DENND2C: variants seen among roughly 807,000 people sequenced by gnomAD.
DENND2C encodes the protein DENN domain-containing protein 2C.
In DENND2C, 72 loss-of-function variants were observed where a neutral mutation model predicts 112.4. The ratio of observed to expected loss-of-function variants is 0.64; its 90% CI spans 0.53 to 0.78. The LOEUF is 0.78. Among genes scored for constraint, DENND2C ranks in the 30% least tolerant of loss-of-function variants. DENND2C has a pLI of 0.00. For missense variants in DENND2C, 992 were observed against 1,113.8 expected (o/e 0.89, Z 1.56); for synonymous variants, 329 against 381.6 (o/e 0.86, Z 1.61).
chr1:114,594,593 A>T lies in DENND2C; in HGVS notation c.2326-15T>A. The T allele has an allele frequency of 6.3e-7, 1 of 1,599,746 alleles. No homozygotes were observed. Among genetic ancestry groups the T allele is most frequent in the Non-Finnish European group, 8.5e-7 (1 of 1,170,478 alleles). ...TCATCAGATACCTTAAGAAGAAAAAAAAATGGAGATTTTTCTTTGTTTGAG... is the reference window on the plus strand; with the variant it reads ...TCATCAGATACCTTAAGAAGAAAAATAAATGGAGATTTTTCTTTGTTTGAG... On this transcript the variant is annotated splice_polypyrimidine_tract_variant and intron_variant, in intron 17 of 20. Coordinates refer to ENST00000393274, the MANE Select transcript of DENND2C (RefSeq NM_001256404.2).
At chr1:114,613,488 CAT>C (rs1471269929) in intron 8 of DENND2C, among the ~76,000 whole-genome samples, 2 of 152,142 alleles carry the variant, frequency 1.3e-5, no homozygotes, top group Non-Finnish European at 2.9e-5. Context: ...TTGCATATTA[CAT>C]ATGTTTTATA....
At chr1:114,641,700 C>T (rs1047388364) in intron 3 of DENND2C, among the ~76,000 whole-genome samples, 6 of 152,080 alleles carry the variant, frequency 3.9e-5, no homozygotes, top group African/African-American at 1.2e-4. Context: ...GAACCATAAG[C>T]CAAATAAACC....
At chr1:114,642,172 A>C (rs532595928) in intron 3 of DENND2C, among the ~76,000 whole-genome samples, 15 of 152,158 alleles carry the variant, frequency 9.9e-5, no homozygotes, top group African/African-American at 3.6e-4. Flanking sequence ...GCTGGTCTCA[A>C]ACTCCTGGTC....
At chr1:114,604,457 A>T (rs979253962) in intron 11 of DENND2C, among the ~76,000 whole-genome samples, 2 of 152,144 alleles carry the variant, frequency 1.3e-5, no homozygotes, top group Non-Finnish European at 2.9e-5. Flanking sequence ...ACACTTCCCA[A>T]ACTGGAGCCT....
chr1:114,618,267 T>C (rs1570777218), intron 8 of DENND2C, 119 bp downstream of exon 8: 4 of 513,612 alleles, frequency 7.8e-6, no homozygotes, highest in Non-Finnish European at 1.3e-5. Flanking sequence ...GGATTACAGG[T>C]GTGAGCCACC....
At chr1:114,623,877 G>C (rs1004426944) in intron 4 of DENND2C, among the ~76,000 whole-genome samples, 3 of 152,094 alleles carry the variant, frequency 2.0e-5, no homozygotes, top group African/African-American at 7.2e-5. Context: ...CCTGGGATTA[G>C]AGGCGCGTGC....
chr1:114,636,805 T>C (rs1656670033), intron 3 of DENND2C, among the ~76,000 whole-genome samples: 1 of 152,064 alleles, frequency 6.6e-6, no homozygotes, highest in Non-Finnish European at 1.5e-5. Flanking sequence ...CTAAGAAATC[T>C]ATGTTACAAG....
At chr1:114,618,605 AC>A in intron 7 of DENND2C, 123 bp from the exon 8 acceptor site, 1 of 503,632 alleles carries the variant, frequency 2.0e-6, no homozygotes, top group Admixed American at 4.1e-5. Context: ...AGAAACCTTT[AC>A]CTTTTTGAAT....
intron 3 of DENND2C, among the ~76,000 whole-genome samples, chr1:114,626,616 A>G (rs1656349642): frequency 6.9e-6 from 1 of 145,646 alleles, no homozygotes; most frequent in South Asian, 2.1e-4. Context: ...GGTTCAAGTG[A>G]TCTTCCCCCT....
chr1:114,611,471 T>A (rs1442837904), intron 8 of DENND2C, among the ~76,000 whole-genome samples: 2 of 151,898 alleles, frequency 1.3e-5, no homozygotes, highest in Admixed American at 6.6e-5. Context: ...CCAAATAGAG[T>A]ATCAAAGGCA....
At chr1:114,619,531 C>T (rs1656104153) in intron 7 of DENND2C, among the ~76,000 whole-genome samples, 1 of 152,106 alleles carries the variant, frequency 6.6e-6, no homozygotes, top group African/African-American at 2.4e-5. Context: ...ACCACTCACC[C>T]CCCAAAAAAC....
At chr1:114,607,804 A>G (rs1655698633) in intron 10 of DENND2C, among the ~76,000 whole-genome samples, 1 of 152,252 alleles carries the variant, frequency 6.6e-6, no homozygotes, top group African/African-American at 2.4e-5. Flanking sequence ...ACTATGTGCC[A>G]GGGATGGCAT....
At chr1:114,608,906 T>C (rs767803694) in intron 9 of DENND2C, 33 bp from the exon 10 acceptor site, 1 of 1,612,044 alleles carries the variant, frequency 6.2e-7, no homozygotes, top group South Asian at 1.1e-5. Context: ...TGTTTTTTTC[T>C]CTGTAGCCCT....
intron 2 of DENND2C, among the ~76,000 whole-genome samples, chr1:114,649,120 A>G (rs147369662): frequency 0.011 from 1,651 of 151,668 alleles, 24 homozygotes; most frequent in Middle Eastern, 0.054. Context: ...ATGCCTGACT[A>G]ATTTTTGTAT....
intron 3 of DENND2C, among the ~76,000 whole-genome samples, chr1:114,630,669 A>G (rs868049675): frequency 2.0e-5 from 3 of 152,218 alleles, no homozygotes; most frequent in Non-Finnish European, 2.9e-5. Context: ...CAGTATCAGA[A>G]AAGAGAGCAA....
Position 114,608,773 on chromosome 1 carries a change from C to G in DENND2C, c.1470G>C (p.Leu490=). 6.2e-7 allele frequency: 1 copy of G among 1,614,212 alleles called. No homozygotes were observed. Among genetic ancestry groups the G allele is most frequent in the East Asian group, 2.2e-5 (1 of 44,886 alleles). ...GAGACACCACCACAAAAAGTTCAAA[C>G]AGCTGCTGCTCCTGTAATTCAATAA... The part of the protein sequence containing the change: ...RDLIELQEQQ[L]FELFVVVSLQ... Residue 490 remains leucine, a synonymous_variant, in exon 10 of 21, where the codon CTG becomes CTC. Coordinates refer to ENST00000393274, the MANE Select transcript of DENND2C (RefSeq NM_001256404.2).
chr1:114,665,293 A>G (rs1023586984), intron 1 of DENND2C, among the ~76,000 whole-genome samples: 21 of 151,220 alleles, frequency 1.4e-4, no homozygotes, highest in Non-Finnish European at 1.8e-4. Context: ...AAAAAAGTAA[A>G]TAAGTTATAT....
chr1:114,667,084 C>G (rs1657666462), intron 1 of DENND2C, among the ~76,000 whole-genome samples: 1 of 152,194 alleles, frequency 6.6e-6, no homozygotes, highest in Non-Finnish European at 1.5e-5. Context: ...ATACCATATA[C>G]TTGCACACTT....
chr1:114,659,758 C>A (rs1349803150), intron 1 of DENND2C, among the ~76,000 whole-genome samples: 5 of 138,658 alleles, frequency 3.6e-5, no homozygotes, highest in African/African-American at 1.4e-4. Context: ...TCTTCCTTCC[C>A]TCCCTCCGTC....
Sources: allele counts gnomAD v4.1 joint callset (sites outside exome capture counted in the v4.1 genomes callset), GRCh38; gene constraint gnomAD v4.1.1; transcripts MANE v1.5; gene names NCBI Gene and HGNC (gene_info 2026-07-23, HGNC 2026-07-21).